The following DLL1 variants were observed in gnomAD, a reference collection of about 807,000 sequenced individuals.
DLL1 encodes delta like canonical Notch ligand 1.
DLL1 carries 9 observed loss-of-function variants against 75.1 expected under a neutral mutation model. That is an observed-to-expected ratio of 0.12 (90% CI 0.07 to 0.21). The LOEUF (loss-of-function observed/expected upper bound fraction) is 0.21, where lower values mean the gene tolerates loss of function less well. DLL1 is among the 10% of genes least tolerant of loss of function. The pLI is 1.00. For missense variants in DLL1, 837 were observed against 1,007.6 expected (o/e 0.83, Z 2.29); for synonymous variants, 477 against 418.3 (o/e 1.14, Z -1.71).
chr6:170,283,972 G>A lies in DLL1; in HGVS notation c.1307C>T (p.Ser436Leu), dbSNP rs774614063. 7.7e-5 allele frequency: 122 copies of A among 1,586,938 alleles called. No homozygotes were observed. Among genetic ancestry groups the A allele is most frequent in the Admixed American group, 2.6e-4 (15 of 57,428 alleles). The change falls in exon 9 of 11, where the codon TCG (serine) becomes TTG (leucine). Residue 436 changes from serine to leucine, a missense_variant. Physicochemically the swap from Ser to Leu is moderately radical, Grantham distance 145 (BLOSUM62 -2). Coordinates refer to ENST00000366756, the MANE Select transcript of DLL1 (RefSeq NM_005618.4). ...CACGTTGTCGTCACAGTGCCTCCCC[G>A]AGAAGCCGGCCTGGCAGCGGCACAG... ...AYLCRCQAGF[S>L]GRHCDDNVDD... is the part of the protein sequence containing the mutation.
At chr6:170,284,776 A>G in intron 8 of DLL1, 143 bp downstream of exon 8, 3 of 888,612 alleles carry the variant, frequency 3.4e-6, no homozygotes, top group South Asian at 2.8e-5. Flanking sequence ...AGACTCAAAG[A>G]TAGAGTTTCC....
rs558313168 is a variant in DLL1 at position 170,284,324 on chromosome 6, C to T, written c.1250-295G>A. ...CAGCCGGGCAAGAGCATGTGCCACT[C>T]GACCCAGGTTTCAGATGGGGAAACT... On this transcript the variant is annotated intron_variant, in intron 8 of 10. Coordinates refer to ENST00000366756, the MANE Select transcript of DLL1 (RefSeq NM_005618.4). Among the ~76,000 whole-genome samples, 288 of 152,234 alleles carry T rather than the reference C, an allele frequency of 1.9e-3. 1 individual carries two copies. The highest frequency in any genetic ancestry group is 6.5e-3 in the African/African-American group (272 of 41,534).
rs1248134215 is a variant in DLL1, at chr6:170,290,097, A to G, written c.43T>C (p.Leu15=). The G allele has an allele frequency of 6.3e-7, 1 of 1,589,818 alleles. No individual in the cohort carries two copies. The highest frequency in any genetic ancestry group is 8.5e-7 in the Non-Finnish European group (1 of 1,176,198). ...CALALAVLSA[L]LCQVWSSGVF... is the part of the protein sequence containing the mutation. ...ACCTGCCCGCCTACCTGACACAGCA[A>G]GGCCGAGAGCACCGCCAGGGCCAGC... Residue 15 remains leucine, a synonymous_variant, in exon 1 of 11, where the codon TTG becomes CTG. Coordinates refer to ENST00000366756, the MANE Select transcript of DLL1 (RefSeq NM_005618.4). The surrounding 1 kb of genome is among the most constrained non-coding windows in gnomAD (Gnocchi z 4.7).
At chr6:170,289,229 G>A (rs1783786607) in intron 2 of DLL1, 1 of 671,298 alleles carries the variant, frequency 1.5e-6, no homozygotes, top group Non-Finnish European at 2.7e-6. Context: ...GCCTCTGACT[G>A]GAGACCTGGC....
rs748898449 is a variant in DLL1 at position 170,283,428 on chromosome 6, C to T, written c.1851G>A (p.Lys617=). ...TGTGGTCCCCGTGGAAGTCCGCCTT[C>T]TTGTTGGTGTTCTTGATCTGCGTGG... is the stretch of plus-strand genomic sequence containing the variant. ...IGATQIKNTN[K]KADFHGDHSA... is the part of the protein sequence containing the mutation. Residue 617 remains lysine, a synonymous_variant, in exon 9 of 11, where the codon AAG becomes AAA. Transcript: ENST00000366756. The T allele has an allele frequency of 3.7e-6, 6 of 1,611,722 alleles. No homozygotes were observed. The highest frequency in any genetic ancestry group is 5.1e-6 in the Non-Finnish European group (6 of 1,180,032).
chr6:170,288,099 C>T, intron 4 of DLL1, 140 bp downstream of exon 4: 1 of 1,295,424 alleles, frequency 7.7e-7, no homozygotes, highest in Non-Finnish European at 1.1e-6. Context: ...TATAGCAATC[C>T]ACTTCTGTCC....
Position 170,290,003 on chromosome 6 carries a change from G to T in DLL1, c.54+83C>A. 4 of 1,365,620 alleles carry T rather than the reference G, an allele frequency of 2.9e-6. No homozygotes were observed. Among genetic ancestry groups the T allele is most frequent in the Non-Finnish European group, 2.8e-6 (3 of 1,065,534 alleles). The allele number at this position is 1,365,620 out of a possible 1,614,324, so 84.6% of individuals were successfully genotyped here. On this transcript the variant is annotated intron_variant, in intron 1 of 10. Coordinates refer to ENST00000366756, the MANE Select transcript of DLL1 (RefSeq NM_005618.4). This position sits in a 1 kb window ranked among gnomAD's most constrained non-coding sequence, Gnocchi z 4.7. Reference sequence around the variant, plus strand: ...GCTGGCGCGGCCCGTGCCGCTGTCCGCCCCTCCCCGCGCGCTCCTGCCCCG... The same window carrying T: ...GCTGGCGCGGCCCGTGCCGCTGTCCTCCCCTCCCCGCGCGCTCCTGCCCCG...
intron 4 of DLL1, among the ~76,000 whole-genome samples, chr6:170,286,639 T>A (rs571843498): frequency 4.7e-5 from 7 of 149,566 alleles, no homozygotes; most frequent in Non-Finnish European, 5.9e-5. Flanking sequence ...CCTCTTAATA[T>A]CCCAGAAAGT....
At position 170,283,978 on chromosome 6, in the gene DLL1, C is replaced by G; in HGVS notation, c.1301G>C (p.Gly434Ala). The part of the protein sequence containing the change: ...GDAYLCRCQA[G>A]FSGRHCDDNV... ...GTCGTCACAGTGCCTCCCCGAGAAG[C>G]CGGCCTGGCAGCGGCACAGGTAGGC... Residue 434 changes from glycine (G) to alanine (A), a missense_variant, in exon 9 of 11, where the codon GGC becomes GCC. This residue lies in a region of DLL1 where 533 missense variants were observed against 545.7 expected (regional missense o/e 0.98). Coordinates refer to ENST00000366756, the MANE Select transcript of DLL1 (RefSeq NM_005618.4). 1 of 1,586,108 alleles carries G rather than the reference C, an allele frequency of 6.3e-7. No individual in the cohort carries two copies.
chr6:170,286,099 T>A, intron 5 of DLL1, 139 bp downstream of exon 5: 1 of 1,029,126 alleles, frequency 9.7e-7, no homozygotes, highest in East Asian at 2.5e-5. Flanking sequence ...AGTAGAAACA[T>A]GAGAAAACGG....
Position 170,283,583 on chromosome 6 carries a change from C to T in DLL1, c.1696G>A (p.Val566Met), listed in dbSNP as rs770595048. ...LMLLLGCAAVVVCVRLRLQKH... is the reference protein window; with the variant it reads ...LMLLLGCAAVMVCVRLRLQKH... Reference sequence around the variant, plus strand: ...TGCAGCCTCAGCCGGACGCAGACCACCACAGCGGCACAGCCCAGCAGCAGC... The same window carrying T: ...TGCAGCCTCAGCCGGACGCAGACCATCACAGCGGCACAGCCCAGCAGCAGC... Residue 566 changes from valine to methionine, a missense_variant, in exon 9 of 11, where the codon GTG becomes ATG. Physicochemically the swap from Val to Met is conservative, Grantham distance 21. Coordinates refer to ENST00000366756, the MANE Select transcript of DLL1 (RefSeq NM_005618.4). 1 of 1,612,992 alleles carries T rather than the reference C, an allele frequency of 6.2e-7. No individual in the cohort carries two copies. Among genetic ancestry groups the T allele is most frequent in the Non-Finnish European group, 8.5e-7 (1 of 1,179,920 alleles).
Position 170,283,533 on chromosome 6 carries a change from G to A in DLL1, c.1746C>T (p.Pro582=), listed in dbSNP as rs772992081. ...RLQKHRPPAD[P]CRGETETMNN... ...TCATGGTCTCCGTCTCCCCCCGGCAGGGGTCGGCTGGGGGCCGGTGCTTCT... is the reference window on the plus strand; with the variant it reads ...TCATGGTCTCCGTCTCCCCCCGGCAAGGGTCGGCTGGGGGCCGGTGCTTCT... Residue 582 remains proline (P), a synonymous_variant, in exon 9 of 11, where the codon CCC becomes CCT. Coordinates refer to ENST00000366756, the MANE Select transcript of DLL1 (RefSeq NM_005618.4). 2 of 1,613,742 alleles carry A rather than the reference G, an allele frequency of 1.2e-6. No homozygotes were observed. The highest frequency in any genetic ancestry group is 2.2e-5 in the South Asian group (2 of 91,088).
chr6:170,285,745 C>T (rs1250978974), intron 5 of DLL1, 46 bp from the exon 6 acceptor site: 1 of 1,613,220 alleles, frequency 6.2e-7, no homozygotes, highest in African/African-American at 1.3e-5. Flanking sequence ...CTGTTGCTGG[C>T]TTTGCAGTGG....
intron 5 of DLL1, 62 bp from the exon 6 acceptor site, chr6:170,285,761 C>G: frequency 3.7e-6 from 6 of 1,607,802 alleles, no homozygotes; most frequent in Non-Finnish European, 5.1e-6. Context: ...AGTGGACATT[C>G]TCACCCTAGA....
chr6:170,290,841 G>A lies in DLL1; in HGVS notation c.-702C>T, dbSNP rs1783846622. 4 of 637,248 alleles carry A rather than the reference G, an allele frequency of 6.3e-6. No homozygotes were observed. Among genetic ancestry groups the A allele is most frequent in the South Asian group, 1.8e-5 (1 of 55,866 alleles). 39.5% of individuals were successfully genotyped at this position (637,248 alleles called of 1,614,324 possible). ...GCAGGACCGGAGGGGCCGGGCCGTG[G>A]GAGGAGGCTCTGCGCCGCGGCTGCC... is the stretch of plus-strand genomic sequence containing the variant. On this transcript the variant is annotated 5_prime_UTR_variant, in exon 1 of 11. Coordinates refer to ENST00000366756, the MANE Select transcript of DLL1 (RefSeq NM_005618.4). The surrounding 1 kb of genome is among the most constrained non-coding windows in gnomAD (Gnocchi z 4.7).
rs1050281763 is a variant in DLL1 at position 170,288,627 on chromosome 6, G to C, written c.412+102C>G. The C allele has an allele frequency of 1.0e-5, 16 of 1,606,754 alleles. No individual in the cohort carries two copies. Among genetic ancestry groups the C allele is most frequent in the Non-Finnish European group, 1.4e-5 (16 of 1,173,356 alleles). On this transcript the variant is annotated intron_variant, in intron 3 of 10. Coordinates refer to ENST00000366756, the MANE Select transcript of DLL1 (RefSeq NM_005618.4). Reference sequence around the variant, plus strand: ...CTCCACCCTGAACTTTCTGGGGCACGTGCAGAATGAAAGCTGTCCGGGTTT... The same window carrying C: ...CTCCACCCTGAACTTTCTGGGGCACCTGCAGAATGAAAGCTGTCCGGGTTT...
intron 8 of DLL1, 117 bp downstream of exon 8, chr6:170,284,802 C>T (rs113249898): frequency 3.7e-5 from 39 of 1,053,696 alleles, no homozygotes; most frequent in African/African-American, 2.0e-4. Context: ...GAATTCCTGG[C>T]GGTCTGGATA....
Position 170,282,984 on chromosome 6 carries a change from T to C in DLL1, c.2166+4A>G, listed in dbSNP as rs1232068619. ...AGGAGGGAGCGGCTGCTGCCTGCAC[T>C]GACCTCAGTTGCTATGACGCACTCA... On this transcript the variant is annotated splice_donor_region_variant and intron_variant, in intron 10 of 10. Transcript: ENST00000366756. 3 of 1,614,152 alleles carry C rather than the reference T, an allele frequency of 1.9e-6. No homozygotes were observed. The highest frequency in any genetic ancestry group is 2.5e-6 in the Non-Finnish European group (3 of 1,179,984).
chr6:170,282,776 G>C lies in DLL1; in HGVS notation c.*98C>G. 1 of 1,596,336 alleles carries C rather than the reference G, an allele frequency of 6.3e-7. No homozygotes were observed. Among genetic ancestry groups the C allele is most frequent in the Non-Finnish European group, 8.6e-7 (1 of 1,165,430 alleles). On this transcript the variant is annotated 3_prime_UTR_variant, in exon 11 of 11. Transcript: ENST00000366756. ...ACTCGGTTTCTCAGCAGCAGTCCAC[G>C]AGGCCTCCCTCCTCTTCAGCAGCAT...
Sources: gnomAD v4.1 joint callset for allele counts (sites outside exome capture counted in the v4.1 genomes callset) on GRCh38, gnomAD v4.1.1 for gene constraint, gnomAD v4.1.1 regional missense constraint, Gnocchi (gnomAD v3.1) non-coding constraint, MANE v1.5 for transcripts, NCBI Gene and HGNC (gene_info 2026-07-23, HGNC 2026-07-21) for gene names.